ZNF730: variants seen among roughly 807,000 people sequenced by gnomAD.
The protein encoded by ZNF730 is zinc finger protein 730.
A neutral mutation model predicts 12.6 loss-of-function variants in ZNF730; 12 were observed. The ratio of observed to expected loss-of-function variants is 0.95; its 90% CI spans 0.61 to 1.54. The LOEUF is 1.54. Ranked by LOEUF, ZNF730 falls within the 40% of genes most tolerant of loss-of-function variation. The pLI is 0.00. For synonymous variants in ZNF730, 194 were observed against 195.8 expected (o/e 0.99, Z 0.08); for missense variants, 643 against 583.5 (o/e 1.10, Z -1.05).
chr19:23,136,658 T>A (rs73031434), intron 3 of ZNF730, among the ~76,000 whole-genome samples: 7,677 of 152,298 alleles, frequency 0.05, 231 homozygotes, highest in Middle Eastern at 0.088. Flanking sequence ...ATTGCTAATT[T>A]TTCTGCATAT....
chr19:23,128,445 G>C (rs774492988), intron 1 of ZNF730: 6 of 356,140 alleles, frequency 1.7e-5, no homozygotes, highest in Non-Finnish European at 2.7e-5. Context: ...CCAAGAAAAA[G>C]AAGTGGAACC....
At chr19:23,116,954 ACACTGGGCGGGGGGC>A, upstream of ZNF730, 10 of 114,846 alleles carry the variant, frequency 8.7e-5, no homozygotes, top group East Asian at 4.4e-4. Flanking sequence ...CCAATCGGGG[ACACTGGGCGGGGGGC>A]CGTCCAATCA....
chr19:23,106,659 C>A (rs991420243), intron 1 of ZNF730, among the ~76,000 whole-genome samples: 2 of 152,040 alleles, frequency 1.3e-5, no homozygotes, highest in African/African-American at 4.8e-5. Flanking sequence ...GGTATGGTGG[C>A]ACATGCCTGT....
chr19:23,077,335 A>T (rs1440699401), intron 1 of ZNF730, among the ~76,000 whole-genome samples: 1 of 146,218 alleles, frequency 6.8e-6, no homozygotes, highest in African/African-American at 2.5e-5. Context: ...ACCTCAGGTG[A>T]TCTGCCCGCC....
intron 1 of ZNF730, among the ~76,000 whole-genome samples, chr19:23,100,630 CTTTTTTT>C (rs201462781): frequency 2.5e-5 from 3 of 118,554 alleles, no homozygotes; most frequent in African/African-American, 7.9e-5. Context: ...GATGGTGATT[CTTTTTTT>C]TTTTTTTTTT....
At chr19:23,107,378 C>T (rs1224091250) in intron 1 of ZNF730, among the ~76,000 whole-genome samples, 2 of 140,636 alleles carry the variant, frequency 1.4e-5, no homozygotes, top group Non-Finnish European at 3.0e-5. Context: ...AGACTTATGA[C>T]ACCCACCTCA....
intron 1 of ZNF730, chr19:23,127,121 C>T (rs1970680962): frequency 2.0e-6 from 1 of 509,800 alleles, no homozygotes; most frequent in Non-Finnish European, 3.8e-6. Flanking sequence ...GCAGATGCAT[C>T]CTTATCTCGG....
intron 1 of ZNF730, among the ~76,000 whole-genome samples, chr19:23,076,174 C>T (rs185485667): frequency 2.0e-5 from 3 of 152,246 alleles, no homozygotes; most frequent in South Asian, 2.1e-4. Flanking sequence ...GTCCAGTTTA[C>T]GACACTATCA....
intron 1 of ZNF730, among the ~76,000 whole-genome samples, chr19:23,083,447 C>T (rs1318415154): frequency 6.6e-6 from 1 of 151,914 alleles, no homozygotes; most frequent in African/African-American, 2.4e-5. Context: ...AGATACATAC[C>T]CAGTAGTAAC....
chr19:23,098,003 G>C (rs1360464661), intron 1 of ZNF730, among the ~76,000 whole-genome samples: 1 of 152,126 alleles, frequency 6.6e-6, no homozygotes, highest in East Asian at 1.9e-4. Flanking sequence ...AAATAGCCGG[G>C]TATGATAGTG....
chr19:23,109,386 G>A (rs777841602), intron 1 of ZNF730, among the ~76,000 whole-genome samples: 4 of 150,070 alleles, frequency 2.7e-5, no homozygotes, highest in African/African-American at 4.9e-5. Context: ...ACACCACCAC[G>A]CCCAGCTAAT....
intron 1 of ZNF730, chr19:23,126,632 C>T (rs549083822): frequency 1.6e-4 from 80 of 500,474 alleles, no homozygotes; most frequent in Middle Eastern, 1.1e-3. Flanking sequence ...CCTTTGCATG[C>T]TTCAGTTCTA....
chr19:23,118,165 G>A (rs1482299324), intron 1 of ZNF730, among the ~76,000 whole-genome samples: 1 of 151,950 alleles, frequency 6.6e-6, no homozygotes, highest in Non-Finnish European at 1.5e-5. Context: ...TTTTGATACT[G>A]TATTTTAATT....
chr19:23,127,270 C>A, intron 1 of ZNF730: 1 of 664,672 alleles, frequency 1.5e-6, no homozygotes, highest in South Asian at 1.6e-5. Flanking sequence ...TTTTTCCTTG[C>A]ACACTCAAAT....
chr19:23,109,445 G>T (rs1440255677), intron 1 of ZNF730, among the ~76,000 whole-genome samples: 1 of 148,664 alleles, frequency 6.7e-6, no homozygotes, highest in Non-Finnish European at 1.5e-5. Flanking sequence ...GTCTCCATCT[G>T]TCACCCAGGC....
intron 1 of ZNF730, among the ~76,000 whole-genome samples, chr19:23,122,258 A>G (rs1386704239): frequency 1.3e-5 from 2 of 148,996 alleles, no homozygotes; most frequent in Non-Finnish European, 3.0e-5. Flanking sequence ...TTCCTGCCTC[A>G]GCCATTCAAG....
At chr19:23,123,941 G>C (rs537972038) in intron 1 of ZNF730, 3 of 152,340 alleles carry the variant, frequency 2.0e-5, no homozygotes, top group Non-Finnish European at 4.4e-5. Context: ...ATTCATGCTG[G>C]AAATCTAGCA....
intron 1 of ZNF730, among the ~76,000 whole-genome samples, chr19:23,102,912 A>G (rs1970352754): frequency 6.6e-6 from 1 of 152,206 alleles, no homozygotes; most frequent in South Asian, 2.1e-4. Flanking sequence ...AAGGTCCTAG[A>G]GAAATACCAC....
At chr19:23,090,146 C>T (rs991714704) in intron 1 of ZNF730, among the ~76,000 whole-genome samples, 8 of 151,598 alleles carry the variant, frequency 5.3e-5, no homozygotes, top group Non-Finnish European at 8.8e-5. Context: ...CTTGGGAGGC[C>T]GAGGCAGGAG....
Sources: gnomAD v4.1 joint callset for allele counts (sites outside exome capture counted in the v4.1 genomes callset) on GRCh38, gnomAD v4.1.1 for gene constraint, MANE v1.5 for transcripts, NCBI Gene and HGNC (gene_info 2026-07-23, HGNC 2026-07-21) for gene names.